PTPN4: variants seen among roughly 807,000 people sequenced by gnomAD.
PTPN4 encodes the protein tyrosine-protein phosphatase non-receptor type 4.
A neutral mutation model predicts 135.5 loss-of-function variants in PTPN4; 49 were observed. The observed-to-expected ratio is 0.36, with a 90% CI of 0.29 to 0.46. The LOEUF is 0.46. Ranked by LOEUF, PTPN4 falls within the 20% of genes least tolerant of loss-of-function variation. The probability of loss-of-function intolerance (pLI) is 1.00; values close to 1 mark genes in which losing one functional copy is unlikely to be tolerated. For missense variants in PTPN4, 860 were observed against 1,101.0 expected (o/e 0.78, Z 3.10); for synonymous variants, 333 against 369.9 (o/e 0.90, Z 1.14).
intron 12 of PTPN4, among the ~76,000 whole-genome samples, chr2:119,924,177 A>G (rs1211888833): frequency 2.7e-5 from 4 of 150,922 alleles, no homozygotes; most frequent in Non-Finnish European, 5.9e-5. Context: ...AGTGGGAGGA[A>G]GTATTTGAAT....
chr2:119,819,152 C>A (rs1436037843), intron 2 of PTPN4, among the ~76,000 whole-genome samples: 3 of 152,196 alleles, frequency 2.0e-5, no homozygotes, highest in African/African-American at 7.2e-5. Context: ...CCACTGTCTG[C>A]TTGGGCTTTG....
chr2:119,925,969 G>A (rs571655747), intron 12 of PTPN4, among the ~76,000 whole-genome samples: 24 of 152,064 alleles, frequency 1.6e-4, no homozygotes, highest in Admixed American at 3.9e-4. Context: ...TCATTTTTCC[G>A]TTAAAATCTC....
chr2:119,883,262 G>A, intron 8 of PTPN4, among the ~76,000 whole-genome samples: 1 of 152,118 alleles, frequency 6.6e-6, no homozygotes, highest in East Asian at 1.9e-4. Flanking sequence ...TGTGTATAAA[G>A]TGTATATGAA....
At chr2:119,845,034 C>G (rs1456922564) in intron 2 of PTPN4, among the ~76,000 whole-genome samples, 1 of 149,504 alleles carries the variant, frequency 6.7e-6, no homozygotes, top group African/African-American at 2.5e-5. Flanking sequence ...GCGGATCACT[C>G]GCGGTTAGGG....
At chr2:119,974,928 A>G (rs529943911) in intron 26 of PTPN4, among the ~76,000 whole-genome samples, 1 of 152,300 alleles carries the variant, frequency 6.6e-6, no homozygotes, top group East Asian at 1.9e-4. Context: ...CAATATTAGC[A>G]ATGAAAGACT....
chr2:119,963,866 GTC>G (rs1679406602), intron 24 of PTPN4, among the ~76,000 whole-genome samples: 1 of 152,134 alleles, frequency 6.6e-6, no homozygotes, highest in Non-Finnish European at 1.5e-5. Flanking sequence ...CTTTAGCATA[GTC>G]TCTATTATAC....
chr2:119,760,924 G>A (rs140925212), intron 1 of PTPN4, among the ~76,000 whole-genome samples: 1 of 149,502 alleles, frequency 6.7e-6, no homozygotes, highest in East Asian at 2.0e-4. Flanking sequence ...GATGCATTTC[G>A]CAGGGTTTCC....
chr2:119,777,532 T>C (rs1041129928), intron 1 of PTPN4, among the ~76,000 whole-genome samples: 4 of 152,216 alleles, frequency 2.6e-5, no homozygotes, highest in Non-Finnish European at 4.4e-5. Context: ...TTAATAGATA[T>C]GTTGAACATG....
intron 1 of PTPN4, among the ~76,000 whole-genome samples, chr2:119,801,987 G>A (rs184764193): frequency 1.5e-4 from 19 of 130,920 alleles, no homozygotes; most frequent in Non-Finnish European, 2.5e-4. Flanking sequence ...TGCAACCTCC[G>A]CCTCCTGGGT....
intron 10 of PTPN4, among the ~76,000 whole-genome samples, chr2:119,904,358 C>G (rs1678453583): frequency 6.6e-6 from 1 of 151,930 alleles, no homozygotes; most frequent in South Asian, 2.1e-4. Flanking sequence ...TGGAAATAAC[C>G]TAGTAATTTT....
chr2:119,911,853 A>T (rs1678576489), intron 10 of PTPN4, among the ~76,000 whole-genome samples: 1 of 152,190 alleles, frequency 6.6e-6, no homozygotes, highest in South Asian at 2.1e-4. Context: ...CCAGTCTAGA[A>T]AACTGTTCTG....
intron 1 of PTPN4, among the ~76,000 whole-genome samples, chr2:119,783,634 A>G (rs1434497603): frequency 6.6e-6 from 1 of 152,230 alleles, no homozygotes; most frequent in African/African-American, 2.4e-5. Context: ...TTGAGATTAG[A>G]CAGATCTGGA....
chr2:119,809,066 A>G (rs1691532879), intron 1 of PTPN4, among the ~76,000 whole-genome samples: 2 of 151,970 alleles, frequency 1.3e-5, no homozygotes, highest in Admixed American at 6.6e-5. Flanking sequence ...GAATCCTTAA[A>G]TGCCTGAGTG....
At chr2:119,878,689 CTTTTTT>C (rs74600465) in intron 5 of PTPN4, among the ~76,000 whole-genome samples, 1 of 129,822 alleles carries the variant, frequency 7.7e-6, no homozygotes, top group Non-Finnish European at 1.6e-5. Flanking sequence ...GCAGGTGTTC[CTTTTTT>C]TTTTTTTTTT....
chr2:119,845,263 G>A (rs1429339434), intron 2 of PTPN4, among the ~76,000 whole-genome samples: 2 of 111,034 alleles, frequency 1.8e-5, no homozygotes, highest in African/African-American at 3.3e-5. Context: ...GGAGGGGGAG[G>A]GGGAGGGAGA....
At chr2:119,789,362 C>T (rs1691100228) in intron 1 of PTPN4, among the ~76,000 whole-genome samples, 1 of 152,120 alleles carries the variant, frequency 6.6e-6, no homozygotes, top group Admixed American at 6.5e-5. Flanking sequence ...ATTTCCTTCT[C>T]TATTGTGTTT....
rs1157203052 is a variant in PTPN4 at position 119,882,563 on chromosome 2, T to C, written c.527T>C (p.Phe176Ser). Residue 176 changes from phenylalanine to serine, a missense_variant, in exon 8 of 27, where the codon TTC (phenylalanine) becomes TCC (serine). Coordinates refer to ENST00000263708, the MANE Select transcript of PTPN4 (RefSeq NM_002830.4). ...NLSGYLSDYS[F>S]IPNQPQDFEK... ...TCAGGCTACCTCTCAGATTATTCTT[T>C]CATTCCTAATCAACCTCAAGATTTT... 1.9e-6 allele frequency: 3 copies of C among 1,557,168 alleles called. No homozygotes were observed. The East Asian group carries it at 6.9e-5, about 36-fold the overall frequency.
At chr2:119,962,872 C>T in intron 24 of PTPN4, 128 bp downstream of exon 24, 1 of 737,990 alleles carries the variant, frequency 1.4e-6, no homozygotes, top group East Asian at 3.4e-5. Context: ...TATTTATCTG[C>T]TTTAATGGGG....
intron 1 of PTPN4, among the ~76,000 whole-genome samples, chr2:119,777,777 C>A (rs1386604333): frequency 6.6e-6 from 1 of 152,144 alleles, no homozygotes; most frequent in Non-Finnish European, 1.5e-5. Context: ...ACCTCAGCCT[C>A]CCTAGTAGCT....
Sources: allele counts gnomAD v4.1 joint callset (sites outside exome capture counted in the v4.1 genomes callset), GRCh38; gene constraint gnomAD v4.1.1; transcripts MANE v1.5; gene names NCBI Gene and HGNC (gene_info 2026-07-23, HGNC 2026-07-21).